ARHGAP22: variants seen among roughly 807,000 people sequenced by gnomAD.
The protein encoded by ARHGAP22 is Rho GTPase activating protein 22.
A neutral mutation model predicts 59.1 loss-of-function variants in ARHGAP22; 48 were observed. The observed-to-expected ratio is 0.81, with a 90% CI of 0.64 to 1.03. ARHGAP22 has a LOEUF of 1.03. Among genes scored for constraint, ARHGAP22 ranks in the 50% least tolerant of loss-of-function variants. ARHGAP22 has a pLI of 0.00. For missense variants in ARHGAP22, 1,015 were observed against 958.7 expected (o/e 1.06, Z -0.78); for synonymous variants, 445 against 416.4 (o/e 1.07, Z -0.84).
chr10:48,453,428 G>T lies in ARHGAP22; in HGVS notation c.867-3C>A. ...ATGCCTGAACTTCATCCAGAAACCT[G>T]CAAAGTAAGGAAGCAGCAGTCATCA... On this transcript the variant is annotated splice_polypyrimidine_tract_variant and splice_region_variant and intron_variant, in intron 7 of 9. Transcript: ENST00000249601. 1.2e-6 allele frequency: 2 copies of T among 1,613,546 alleles called. No individual in the cohort carries two copies. Among genetic ancestry groups the T allele is most frequent in the Non-Finnish European group, 1.7e-6 (2 of 1,179,710 alleles).
chr10:48,552,293 G>T (rs1009859807), intron 3 of ARHGAP22, among the ~76,000 whole-genome samples: 1 of 152,282 alleles, frequency 6.6e-6, no homozygotes, highest in Non-Finnish European at 1.5e-5. Flanking sequence ...GCCTGGAAGT[G>T]ATCCGGGGTT....
At chr10:48,517,381 G>T (rs148207237) in intron 3 of ARHGAP22, among the ~76,000 whole-genome samples, 6 of 152,290 alleles carry the variant, frequency 3.9e-5, no homozygotes, top group African/African-American at 1.4e-4. Context: ...GATAGGGAGA[G>T]ATATTTTAGG....
chr10:48,431,152 T>G, the ARHGAP22 span: 1 of 1,345,668 alleles, frequency 7.4e-7, no homozygotes, highest in Non-Finnish European at 1.1e-6. Context: ...AGATTGGCTC[T>G]TAGACTTTGA....
rs1020167146 is a variant in ARHGAP22 at position 48,597,309 on chromosome 10, C to T, written c.34+7454G>A. ...TCTGCCAACAGGATTCTCCTACCCA[C>T]GGCCTGTTTCCACACATGAAAAGCT... On this transcript the variant is annotated intron_variant, in intron 1 of 9. Transcript: ENST00000249601. Among the ~76,000 whole-genome samples, 8 of 152,036 alleles carry T rather than the reference C, an allele frequency of 5.3e-5. No individual in the cohort carries two copies. In the South Asian group the frequency reaches 6.2e-4, roughly 12 times the overall value.
intron 1 of ARHGAP22, among the ~76,000 whole-genome samples, chr10:48,626,428 G>T (rs2061451613): frequency 6.6e-6 from 1 of 152,162 alleles, no homozygotes; most frequent in Non-Finnish European, 1.5e-5. Context: ...CTTCTAGATG[G>T]TGCTGAAATC....
intron 1 of ARHGAP22, among the ~76,000 whole-genome samples, chr10:48,628,492 G>A (rs1315494068): frequency 6.6e-6 from 1 of 152,150 alleles, no homozygotes; most frequent in Non-Finnish European, 1.5e-5. Flanking sequence ...TAGCAAGGAT[G>A]TGGGCACAGA....
At chr10:48,501,171 ATTTG>A (rs775028893) in intron 3 of ARHGAP22, among the ~76,000 whole-genome samples, 1 of 152,238 alleles carries the variant, frequency 6.6e-6, no homozygotes, top group African/African-American at 2.4e-5. Flanking sequence ...TTATGCCCAG[ATTTG>A]TTTGAATATG....
At chr10:48,563,241 T>G (rs2057818884) in intron 2 of ARHGAP22, among the ~76,000 whole-genome samples, 1 of 128,516 alleles carries the variant, frequency 7.8e-6, no homozygotes, top group South Asian at 2.9e-4. Flanking sequence ...TGCCCCAGGC[T>G]GGAGTGCAGT....
chr10:48,486,618 ATC>A (rs1314519626), intron 3 of ARHGAP22, among the ~76,000 whole-genome samples: 2 of 152,176 alleles, frequency 1.3e-5, no homozygotes, highest in African/African-American at 4.8e-5. Context: ...TTTACTTTAA[ATC>A]TTAACATCTT....
chr10:48,653,006 G>A (rs553653360), upstream of ARHGAP22, among the ~76,000 whole-genome samples: 16 of 152,338 alleles, frequency 1.1e-4, no homozygotes, highest in South Asian at 1.2e-3. Flanking sequence ...ACAGCCAAGC[G>A]ATATTTATGC....
intron 1 of ARHGAP22, among the ~76,000 whole-genome samples, chr10:48,611,161 T>C (rs2060868209): frequency 6.6e-6 from 1 of 152,148 alleles, no homozygotes; most frequent in Non-Finnish European, 1.5e-5. Flanking sequence ...AAGCTTGTAT[T>C]AGAGTGAGTG....
intron 1 of ARHGAP22, among the ~76,000 whole-genome samples, chr10:48,617,967 A>G (rs760266463): frequency 6.6e-6 from 1 of 151,988 alleles, no homozygotes; most frequent in Admixed American, 6.6e-5. Context: ...AAGAAATAAG[A>G]CTCAAATAAA....
intron 3 of ARHGAP22, among the ~76,000 whole-genome samples, chr10:48,505,107 G>T (rs2051959318): frequency 6.6e-6 from 1 of 152,128 alleles, no homozygotes; most frequent in South Asian, 2.1e-4. Flanking sequence ...AGGCTGGCAT[G>T]CAGTGGCACA....
At chr10:48,435,614 T>C in the ARHGAP22 span, 1 of 152,210 alleles carries the variant, frequency 6.6e-6, no homozygotes, top group Non-Finnish European at 1.5e-5. Flanking sequence ...AATCCTAATT[T>C]AGTTACAAGA....
At chr10:48,460,530 T>C (rs1295170164) in intron 4 of ARHGAP22, among the ~76,000 whole-genome samples, 6 of 152,258 alleles carry the variant, frequency 3.9e-5, no homozygotes, top group Non-Finnish European at 5.9e-5. Flanking sequence ...TGTGCACTGC[T>C]GGCAGGATGA....
At chr10:48,457,147 C>T (rs973376360) in intron 5 of ARHGAP22, among the ~76,000 whole-genome samples, 4 of 152,148 alleles carry the variant, frequency 2.6e-5, no homozygotes, top group East Asian at 3.9e-4. Context: ...GCAGGTTCCT[C>T]GTCACCTCTC....
intron 3 of ARHGAP22, among the ~76,000 whole-genome samples, chr10:48,487,804 C>T (rs545455955): frequency 1.5e-4 from 23 of 152,316 alleles, no homozygotes; most frequent in Non-Finnish European, 2.5e-4. Context: ...CAGTGGCTCA[C>T]GCCTGTAATC....
At chr10:48,439,731 T>C in the ARHGAP22 span, among the ~76,000 whole-genome samples, 5 of 152,214 alleles carry the variant, frequency 3.3e-5, no homozygotes, top group Non-Finnish European at 7.3e-5. Flanking sequence ...TTTCCAACTT[T>C]TGCCATGCTT....
In ARHGAP22 at chr10:48,563,397, G is replaced by T. The variant is rs377283248; in HGVS notation, c.235-7847C>A. Reference sequence around the variant, plus strand: ...TTTAGTGGAGATGGGGTTTCACCGTGTTAGCCAGGATGGTCTCGATCTGAC... The same window carrying T: ...TTTAGTGGAGATGGGGTTTCACCGTTTTAGCCAGGATGGTCTCGATCTGAC... On this transcript the variant is annotated intron_variant, in intron 2 of 9. Coordinates refer to ENST00000249601, the MANE Select transcript of ARHGAP22 (RefSeq NM_021226.4). 1.4e-3 allele frequency among the ~76,000 whole-genome samples: 206 copies of T among 152,094 alleles called. 3 individuals carry two copies. In the East Asian group the frequency reaches 0.033, roughly 24 times the overall value.
Sources: gnomAD v4.1 joint callset for allele counts (sites outside exome capture counted in the v4.1 genomes callset) on GRCh38, gnomAD v4.1.1 for gene constraint, MANE v1.5 for transcripts, NCBI Gene and HGNC (gene_info 2026-07-23, HGNC 2026-07-21) for gene names.